TCP11L1: variants seen among roughly 807,000 people sequenced by gnomAD.
TCP11L1 encodes t-complex 11 like 1, also known as T-complex protein 11-like protein 1.
A neutral mutation model predicts 48.9 loss-of-function variants in TCP11L1; 28 were observed. The observed-to-expected ratio is 0.57, with a 90% confidence interval of 0.42 to 0.78. The LOEUF (loss-of-function observed/expected upper bound fraction) is 0.78, where lower values mean the gene tolerates loss of function less well. Ranked by LOEUF, TCP11L1 falls within the 30% of genes least tolerant of loss-of-function variation. The pLI, the probability that TCP11L1 is intolerant of heterozygous loss-of-function variation, is 0.00. For missense variants in TCP11L1, 505 were observed against 613.4 expected (o/e 0.82, Z 1.87); for synonymous variants, 204 against 231.9 (o/e 0.88, Z 1.09).
intron 8 of TCP11L1, among the ~76,000 whole-genome samples, chr11:33,067,203 C>T (rs546874880): frequency 1.3e-5 from 2 of 152,328 alleles, no homozygotes; most frequent in Non-Finnish European, 2.9e-5. Flanking sequence ...GTGCAGGCTT[C>T]AGTGACCGCT....
Position 33,042,170 on chromosome 11 carries a change from G to GTCA in TCP11L1, c.-24-1580_-24-1579insTCA, listed in dbSNP as rs1323180068. ...TGTTTAGACAGAGTCTCAGTCTGTT[G>GTCA]CCCAGGCTGGAGTGCAGTGGTGCGA... On this transcript the variant is annotated intron_variant, in intron 1 of 9. Coordinates refer to ENST00000334274, the MANE Select transcript of TCP11L1 (RefSeq NM_018393.4). Among the ~76,000 whole-genome samples the GTCA allele has an allele frequency of 2.6e-5, 4 of 151,994 alleles. No individual in the cohort carries two copies. The East Asian group carries it at 7.7e-4, about 29-fold the overall frequency.
chr11:33,052,426 G>A (rs531148766), intron 2 of TCP11L1, among the ~76,000 whole-genome samples: 1 of 150,736 alleles, frequency 6.6e-6, no homozygotes, highest in African/African-American at 2.4e-5. Context: ...ACCAAATAAA[G>A]TTTTTTACCA....
At chr11:33,065,412 C>T (rs1358485334) in intron 7 of TCP11L1, among the ~76,000 whole-genome samples, 3 of 152,158 alleles carry the variant, frequency 2.0e-5, no homozygotes, top group Non-Finnish European at 4.4e-5. Flanking sequence ...TATAGGCATG[C>T]ACCACCACAC....
In TCP11L1 at chr11:33,073,404, G is replaced by GGAAAGTCTTTGACTTTCAAGCCTT. The variant is rs1388045320; in HGVS notation, c.*736_*759dup. On this transcript the variant is annotated 3_prime_UTR_variant, in exon 10 of 10. Coordinates refer to ENST00000334274, the MANE Select transcript of TCP11L1 (RefSeq NM_018393.4). ...TTATGACTTATGAGATCTAGTGAAA[G>GGAAAGTCTTTGACTTTCAAGCCTT]GAAAGTCTTTGACTTTCAAGCCTTG... is the stretch of plus-strand genomic sequence containing the variant. 6.9e-6 allele frequency: 1 copy of GGAAAGTCTTTGACTTTCAAGCCTT among 145,078 alleles called. No homozygotes were observed. Among genetic ancestry groups the GGAAAGTCTTTGACTTTCAAGCCTT allele is most frequent in the Admixed American group, 6.9e-5 (1 of 14,430 alleles). 9.0% of individuals were successfully genotyped at this position (145,078 alleles called of 1,614,324 possible).
At position 33,072,961 on chromosome 11, in the gene TCP11L1, A is replaced by C; in HGVS notation, c.*285A>C. 2.5e-6 allele frequency: 1 copy of C among 397,620 alleles called. No homozygotes were observed. Among genetic ancestry groups the C allele is most frequent in the Non-Finnish European group, 4.7e-6 (1 of 213,210 alleles). 24.6% of individuals were successfully genotyped at this position (397,620 alleles called of 1,614,324 possible). On this transcript the variant is annotated 3_prime_UTR_variant, in exon 10 of 10. Transcript: ENST00000334274. The stretch of plus-strand genomic sequence containing the variant: ...CTGTTGTCTCCACTCCTCCCCCATC[A>C]TGTCCTTCCAAGGAGGCTGGGACCT...
chr11:33,072,729 T>A lies in TCP11L1; in HGVS notation c.*53T>A. The A allele has an allele frequency of 6.3e-7, 1 of 1,596,668 alleles. No homozygotes were observed. Among genetic ancestry groups the A allele is most frequent in the East Asian group, 2.2e-5 (1 of 44,784 alleles). On this transcript the variant is annotated 3_prime_UTR_variant, in exon 10 of 10. Transcript: ENST00000334274. ...TACTCACTAGCCACAGAATACCTGT[T>A]CTGTACTCTAATGTTGCATTGGAAA...
At position 33,047,060 on chromosome 11, in the gene TCP11L1, T is replaced by TA. The variant is rs1196156640; in HGVS notation, c.163+3129dup. Among the ~76,000 whole-genome samples, 11 of 152,116 alleles carry TA rather than the reference T, an allele frequency of 7.2e-5. 1 individual carries two copies. The South Asian group carries it at 2.3e-3, about 32-fold the overall frequency. ...CAACATGGTGAAACACTGTTTCTACTAAAAATACAAAAATTAGCCGGGAGT... is the reference window on the plus strand; with the variant it reads ...CAACATGGTGAAACACTGTTTCTACTAAAAAATACAAAAATTAGCCGGGAGT... On this transcript the variant is annotated intron_variant, in intron 2 of 9. Coordinates refer to ENST00000334274, the MANE Select transcript of TCP11L1 (RefSeq NM_018393.4).
intron 2 of TCP11L1, among the ~76,000 whole-genome samples, chr11:33,053,640 A>G (rs778249852): frequency 6.6e-6 from 1 of 152,162 alleles, no homozygotes; most frequent in Non-Finnish European, 1.5e-5. Context: ...ACTCTTTTTC[A>G]AAGTTTTTGA....
chr11:33,069,178 C>T (rs776998183), intron 9 of TCP11L1, among the ~76,000 whole-genome samples: 2 of 152,168 alleles, frequency 1.3e-5, no homozygotes, highest in African/African-American at 2.4e-5. Context: ...CTTACAAGGT[C>T]GCTGCAGGAA....
intron 2 of TCP11L1, among the ~76,000 whole-genome samples, chr11:33,046,683 T>C (rs1436935350): frequency 6.6e-6 from 1 of 152,184 alleles, no homozygotes; most frequent in African/African-American, 2.4e-5. Flanking sequence ...ACCCAAAAGA[T>C]AAAGCTAAGA....
chr11:33,056,650 G>T, intron 3 of TCP11L1: 1 of 248,720 alleles, frequency 4.0e-6, no homozygotes, highest in Non-Finnish European at 8.3e-6. Context: ...GCAACCTCTG[G>T]CCAGGCTGAT....
At chr11:33,065,148 T>G (rs569697840) in intron 7 of TCP11L1, among the ~76,000 whole-genome samples, 8 of 152,384 alleles carry the variant, frequency 5.2e-5, no homozygotes, top group Admixed American at 3.3e-4. Flanking sequence ...TATCGAGTGC[T>G]GGCTCTGCCA....
chr11:33,046,721 A>G (rs898263608), intron 2 of TCP11L1, among the ~76,000 whole-genome samples: 2 of 152,230 alleles, frequency 1.3e-5, no homozygotes, highest in African/African-American at 2.4e-5. Context: ...CAGGTAAGGA[A>G]GCATTATTGA....
At chr11:33,071,350 T>C (rs1854784965) in intron 9 of TCP11L1, among the ~76,000 whole-genome samples, 1 of 152,150 alleles carries the variant, frequency 6.6e-6, no homozygotes, top group Non-Finnish European at 1.5e-5. Flanking sequence ...GGCCCTGTCC[T>C]GTCAGCAGTT....
intron 2 of TCP11L1, among the ~76,000 whole-genome samples, chr11:33,048,775 C>G (rs147179708): frequency 1.3e-5 from 2 of 152,200 alleles, no homozygotes; most frequent in East Asian, 3.9e-4. Flanking sequence ...ACCCTTAAGT[C>G]TCTTCTTTTT....
In TCP11L1 at chr11:33,072,552, T is replaced by C; in HGVS notation, c.1406T>C (p.Leu469Pro). The C allele has an allele frequency of 6.2e-7, 1 of 1,614,168 alleles. No homozygotes were observed. ...QKPLPTVPGG[L>P]SPVQRELEEV... ...CCATTGCCCACAGTCCCTGGGGGACTCAGTCCAGTTCAGAGAGAGCTGGAG... is the reference window on the plus strand; with the variant it reads ...CCATTGCCCACAGTCCCTGGGGGACCCAGTCCAGTTCAGAGAGAGCTGGAG... The change falls in exon 10 of 10, where the codon CTC (leucine) becomes CCC (proline). Residue 469 changes from leucine (L) to proline (P), a missense_variant. Transcript: ENST00000334274.
chr11:33,051,573 G>C (rs563202870), intron 2 of TCP11L1, among the ~76,000 whole-genome samples: 132 of 152,222 alleles, frequency 8.7e-4, no homozygotes, highest in African/African-American at 2.9e-3. Flanking sequence ...CTGTCACCCA[G>C]ACTGGAGGGC....
chr11:33,047,287 G>A (rs550789587), intron 2 of TCP11L1, among the ~76,000 whole-genome samples: 2 of 152,104 alleles, frequency 1.3e-5, no homozygotes, highest in East Asian at 1.9e-4. Context: ...TGGCTGGCTT[G>A]TAAAAAATTT....
intron 7 of TCP11L1, among the ~76,000 whole-genome samples, 154 bp from the exon 8 acceptor site, chr11:33,065,676 G>A (rs1854593857): frequency 6.6e-6 from 1 of 152,186 alleles, no homozygotes; most frequent in African/African-American, 2.4e-5. Context: ...TGAGATAGAG[G>A]GGTTATTTCA....
Sources: gnomAD v4.1 joint callset for allele counts (sites outside exome capture counted in the v4.1 genomes callset) on GRCh38, gnomAD v4.1.1 for gene constraint, MANE v1.5 for transcripts, NCBI Gene and HGNC (gene_info 2026-07-23, HGNC 2026-07-21) for gene names.